TXNDC11: variants seen among roughly 807,000 people sequenced by gnomAD.
The protein encoded by TXNDC11 is thioredoxin domain containing 11.
TXNDC11 carries 68 observed loss-of-function variants against 78.0 expected under a neutral mutation model. The ratio of observed to expected loss-of-function variants is 0.87; its 90% CI spans 0.72 to 1.07. The LOEUF (loss-of-function observed/expected upper bound fraction) is 1.07, where lower values mean the gene tolerates loss of function less well. TXNDC11 is among the 50% of genes least tolerant of loss of function. TXNDC11 has a pLI of 0.00. For missense variants in TXNDC11, 1,389 were observed against 1,221.8 expected, an observed-to-expected ratio of 1.14 and a Z score of -2.04; for synonymous variants, 571 against 495.2, an observed-to-expected ratio of 1.15 and a Z score of -2.03.
chr16:11,726,920 G>A (rs1416835738), intron 4 of TXNDC11, among the ~76,000 whole-genome samples: 1 of 152,060 alleles, frequency 6.6e-6, no homozygotes, highest in African/African-American at 2.4e-5. Flanking sequence ...AGGCGTGGAG[G>A]CACATGCCTG....
chr16:11,712,261 G>A (rs1597457566), intron 5 of TXNDC11, among the ~76,000 whole-genome samples: 1 of 152,224 alleles, frequency 6.6e-6, no homozygotes, highest in African/African-American at 2.4e-5. Flanking sequence ...ATTTGGCTCT[G>A]AGCTTCCTGA....
chr16:11,683,886 G>T (rs2050497887), intron 11 of TXNDC11, among the ~76,000 whole-genome samples: 1 of 151,852 alleles, frequency 6.6e-6, no homozygotes, highest in African/African-American at 2.4e-5. Flanking sequence ...GAGTAGCTGG[G>T]ATTACAAGCA....
intron 1 of TXNDC11, among the ~76,000 whole-genome samples, chr16:11,737,958 T>G (rs964085786): frequency 6.6e-6 from 1 of 151,546 alleles, no homozygotes; most frequent in Non-Finnish European, 1.5e-5. Flanking sequence ...AGATATATCT[T>G]AAATATAAAG....
chr16:11,704,824 A>C (rs1373539233), intron 5 of TXNDC11, among the ~76,000 whole-genome samples: 1 of 152,206 alleles, frequency 6.6e-6, no homozygotes, highest in African/African-American at 2.4e-5. Flanking sequence ...TCCTGAAACA[A>C]AAACAGACAC....
At chr16:11,681,301 C>T (rs1032803826) in intron 11 of TXNDC11, among the ~76,000 whole-genome samples, 2 of 152,232 alleles carry the variant, frequency 1.3e-5, no homozygotes, top group East Asian at 3.8e-4. Flanking sequence ...TCTTGTAAGG[C>T]AGAGTAAACG....
chr16:11,736,300 T>C (rs778014616), intron 1 of TXNDC11, 67 bp from the exon 2 acceptor site: 69 of 1,287,562 alleles, frequency 5.4e-5, no homozygotes, highest in Non-Finnish European at 6.8e-5. Context: ...TCTGTGGAAG[T>C]AGAATGAAGC....
At chr16:11,728,661 C>A (rs1431083784) in intron 4 of TXNDC11, among the ~76,000 whole-genome samples, 3 of 152,128 alleles carry the variant, frequency 2.0e-5, no homozygotes, top group African/African-American at 7.2e-5. Flanking sequence ...TAAAGTACTG[C>A]TGGGCTGGGC....
intron 4 of TXNDC11, among the ~76,000 whole-genome samples, chr16:11,722,594 A>T (rs143051295): frequency 2.6e-4 from 39 of 152,274 alleles, no homozygotes; most frequent in African/African-American, 8.7e-4. Flanking sequence ...GCCTCGGGAG[A>T]ACCCTTCAAT....
chr16:11,736,981 T>C (rs2052239702), intron 1 of TXNDC11, among the ~76,000 whole-genome samples: 1 of 152,006 alleles, frequency 6.6e-6, no homozygotes, highest in Admixed American at 6.6e-5. Context: ...TCCCACCAAG[T>C]AGAAGGGCCC....
At position 11,736,069 on chromosome 16, in the gene TXNDC11, G is replaced by A; in HGVS notation, c.419C>T (p.Ser140Phe). The A allele has an allele frequency of 6.2e-7, 1 of 1,614,158 alleles. No individual in the cohort carries two copies. The highest frequency in any genetic ancestry group is 8.5e-7 in the Non-Finnish European group (1 of 1,180,034). The change falls in exon 2 of 12, where the codon TCC becomes TTC. Residue 140 changes from serine to phenylalanine, a missense_variant. By Grantham distance (155) the Ser-to-Phe change is radical. Coordinates refer to ENST00000283033, the MANE Select transcript of TXNDC11 (RefSeq NM_015914.7). Reference sequence around the variant, plus strand: ...CTCAATTTCTGCCCTGGCAGCGATGGACTGTCCACACCAAGGGGCATAGAA... The same window carrying A: ...CTCAATTTCTGCCCTGGCAGCGATGAACTGTCCACACCAAGGGGCATAGAA... ...LFFYAPWCGQ[S>F]IAARAEIEQA...
intron 10 of TXNDC11, among the ~76,000 whole-genome samples, chr16:11,685,508 G>A (rs2050542458): frequency 6.6e-6 from 1 of 152,024 alleles, no homozygotes; most frequent in African/African-American, 2.4e-5. Flanking sequence ...AATTAGCTGG[G>A]CATAATGGCG....
Position 11,692,088 on chromosome 16 carries a change from A to G in TXNDC11, c.1108-6T>C. ...TCCAAGGCCACTTCGGTGATCTGAA[A>G]TACAGGGCAGAGTTGGTGAAGGGCT... On this transcript the variant is annotated splice_polypyrimidine_tract_variant and splice_region_variant and intron_variant, in intron 7 of 11. Coordinates refer to ENST00000283033, the MANE Select transcript of TXNDC11 (RefSeq NM_015914.7). 1 of 1,520,086 alleles carries G rather than the reference A, an allele frequency of 6.6e-7. No homozygotes were observed. Among genetic ancestry groups the G allele is most frequent in the Non-Finnish European group, 8.8e-7 (1 of 1,134,920 alleles). 94.2% of individuals were successfully genotyped at this position (1,520,086 alleles called of 1,614,324 possible).
At chr16:11,734,429 A>G (rs1483245956) in intron 2 of TXNDC11, among the ~76,000 whole-genome samples, 4 of 152,124 alleles carry the variant, frequency 2.6e-5, no homozygotes, top group Admixed American at 2.0e-4. Context: ...TTTTTTTTAA[A>G]AAAAGCAGCA....
At chr16:11,680,108 C>T (rs1378967377) in intron 11 of TXNDC11, among the ~76,000 whole-genome samples, 1 of 152,236 alleles carries the variant, frequency 6.6e-6, no homozygotes, top group Non-Finnish European at 1.5e-5. Flanking sequence ...AAGACAAGAG[C>T]TCCTAGGCCC....
chr16:11,714,290 C>G (rs548574014), intron 5 of TXNDC11, among the ~76,000 whole-genome samples: 172 of 152,322 alleles, frequency 1.1e-3, no homozygotes, highest in African/African-American at 3.9e-3. Context: ...TCGCAAAGTG[C>G]TAGGATTACA....
chr16:11,731,829 T>G (rs1416509351), intron 3 of TXNDC11, among the ~76,000 whole-genome samples: 1 of 152,152 alleles, frequency 6.6e-6, no homozygotes, highest in Non-Finnish European at 1.5e-5. Context: ...GGGACACAGT[T>G]AATAATTCTA....
At position 11,679,933 on chromosome 16, in the gene TXNDC11, C is replaced by T. The variant is rs1438613471; in HGVS notation, c.2235-96G>A. 2.8e-6 allele frequency: 3 copies of T among 1,084,148 alleles called. No homozygotes were observed. Among genetic ancestry groups the T allele is most frequent in the Non-Finnish European group, 4.0e-6 (3 of 747,952 alleles). 67.2% of individuals were successfully genotyped at this position (1,084,148 alleles called of 1,614,324 possible). On this transcript the variant is annotated intron_variant, in intron 11 of 11. Transcript: ENST00000283033. The surrounding 1 kb of genome is among the most constrained non-coding windows in gnomAD (Gnocchi z 4.6). ...CTGAGGCCAGGCCATCTACTTCTCA[C>T]CAAGAAAAGACGTTCCGTGGATTTT...
chr16:11,695,942 G>A (rs2050846209), intron 7 of TXNDC11, among the ~76,000 whole-genome samples: 1 of 151,862 alleles, frequency 6.6e-6, no homozygotes, highest in Non-Finnish European at 1.5e-5. Flanking sequence ...GGCTGAGGTG[G>A]GAGGATCACC....
intron 1 of TXNDC11, among the ~76,000 whole-genome samples, chr16:11,740,852 A>G (rs1462601806): frequency 6.6e-6 from 1 of 152,238 alleles, no homozygotes; most frequent in Admixed American, 6.5e-5. Context: ...GATTTAAATG[A>G]CACCCATACT....
Sources: gnomAD v4.1 joint callset for allele counts (sites outside exome capture counted in the v4.1 genomes callset) on GRCh38, gnomAD v4.1.1 for gene constraint, Gnocchi (gnomAD v3.1) non-coding constraint, MANE v1.5 for transcripts, NCBI Gene and HGNC (gene_info 2026-07-23, HGNC 2026-07-21) for gene names.